AKR1C2: variants seen among roughly 807,000 people sequenced by gnomAD.
AKR1C2 encodes aldo-keto reductase family 1 member C2.
A neutral mutation model predicts 39.8 loss-of-function variants in AKR1C2; 27 were observed. The observed-to-expected ratio is 0.68, with a 90% CI of 0.50 to 0.93. The LOEUF is 0.93. Among genes scored for constraint, AKR1C2 ranks in the 40% least tolerant of loss-of-function variants. AKR1C2 has a pLI of 0.00. For missense variants in AKR1C2, 263 were observed against 365.1 expected, an observed-to-expected ratio of 0.72 and a Z score of 2.28; for synonymous variants, 114 against 137.9, an observed-to-expected ratio of 0.83 and a Z score of 1.22.
chr10:5,015,381 G>A (rs782719733), intron 1 of AKR1C2: 4 of 152,154 alleles, frequency 2.6e-5, no homozygotes. Flanking sequence ...AAACATACTT[G>A]ACAGTTATGT....
At chr10:5,001,185 A>T in intron 2 of AKR1C2, among the ~76,000 whole-genome samples, 1 of 152,194 alleles carries the variant, frequency 6.6e-6, no homozygotes, top group East Asian at 1.9e-4. Context: ...TCAGAATCAT[A>T]ACAAATGTAA....
At chr10:5,013,985 G>A (rs1837577353) in intron 1 of AKR1C2, among the ~76,000 whole-genome samples, 1 of 152,006 alleles carries the variant, frequency 6.6e-6, no homozygotes, top group African/African-American at 2.4e-5. Context: ...GGTTTATTTG[G>A]CTTAGTAAAA....
At position 4,989,692 on chromosome 10, in the gene AKR1C2, C is replaced by T. The variant is rs1219159794; in HGVS notation, c.*304G>A. The stretch of plus-strand genomic sequence containing the variant: ...GTTGTTAACATCTTCCAACCCCGGC[C>T]CTAAACGTATAGGCAAATCACAATT... On this transcript the variant is annotated 3_prime_UTR_variant, in exon 9 of 9. Transcript: ENST00000380753. 2.4e-5 allele frequency: 10 copies of T among 423,982 alleles called. No individual in the cohort carries two copies. Among genetic ancestry groups the T allele is most frequent in the African/African-American group, 1.7e-4 (8 of 47,390 alleles). 26.3% of individuals were successfully genotyped at this position (423,982 alleles called of 1,614,324 possible). A position where few individuals can be genotyped will look rare whatever the true frequency, so the allele number is the denominator to read the frequency against.
chr10:5,017,080 T>G (rs1457917817), intron 1 of AKR1C2, among the ~76,000 whole-genome samples: 2 of 152,206 alleles, frequency 1.3e-5, no homozygotes, highest in Non-Finnish European at 2.9e-5. Context: ...TTTTCTCTCC[T>G]AAACCTCCAG....
chr10:5,002,535 G>A (rs1554773958), intron 1 of AKR1C2, among the ~76,000 whole-genome samples: 1 of 150,904 alleles, frequency 6.6e-6, no homozygotes, highest in Non-Finnish European at 1.5e-5. Flanking sequence ...CAGGGAGTAA[G>A]TGATTAGCAA....
chr10:5,008,288 T>G (rs1381697495), upstream of AKR1C2, among the ~76,000 whole-genome samples: 4 of 144,486 alleles, frequency 2.8e-5, no homozygotes, highest in African/African-American at 1.0e-4. Flanking sequence ...GGTTTCTTTC[T>G]GGGCATCCAG....
chr10:5,003,552 G>C (rs1375821864), intron 1 of AKR1C2, among the ~76,000 whole-genome samples, 200 bp downstream of exon 1: 1 of 151,470 alleles, frequency 6.6e-6, no homozygotes, highest in Non-Finnish European at 1.5e-5. Context: ...GACAAGCTGT[G>C]AAATAAACAT....
upstream of AKR1C2, chr10:5,007,294 T>C (rs1837425862): frequency 1.4e-5 from 2 of 138,214 alleles, 1 homozygote; most frequent in African/African-American, 5.2e-5. Flanking sequence ...AAATTTGCTT[T>C]TACTTTCATT....
intron 3 of AKR1C2, chr10:5,000,278 C>G (rs1837216181): frequency 2.0e-6 from 3 of 1,470,486 alleles, no homozygotes; most frequent in Non-Finnish European, 2.7e-6. Context: ...GACCTTGTGC[C>G]TTCAAGGAGA....
intron 3 of AKR1C2, 150 bp from the exon 4 acceptor site, chr10:4,999,427 A>G: frequency 1.3e-6 from 2 of 1,548,964 alleles, no homozygotes; most frequent in Non-Finnish European, 1.7e-6. Context: ...ACTACATATG[A>G]AGGTATAAGG....
chr10:5,013,408 A>T (rs1387485984), intron 1 of AKR1C2: 1 of 153,264 alleles, frequency 6.5e-6, no homozygotes, highest in Non-Finnish European at 1.5e-5. Context: ...ATTAAAGCAC[A>T]ACATACTGAA....
At chr10:5,012,766 A>G (rs1234362983) in intron 1 of AKR1C2, among the ~76,000 whole-genome samples, 9 of 152,206 alleles carry the variant, frequency 5.9e-5, no homozygotes, top group Non-Finnish European at 1.3e-4. Flanking sequence ...TGCAGAAATA[A>G]GAAATGAATT....
Position 4,988,614 on chromosome 10 carries a change from G to T in AKR1C2, c.*1382C>A, listed in dbSNP as rs1836737974. On this transcript the variant is annotated 3_prime_UTR_variant, in exon 9 of 9. Transcript: ENST00000380753. ...AATTGTGAGCTGCAAAACTTGCTGG[G>T]ATGCCTATCAGCTCTGAGACATGGC... 1 of 152,170 alleles carries T rather than the reference G, an allele frequency of 6.6e-6. No homozygotes were observed. Among genetic ancestry groups the T allele is most frequent in the Admixed American group, 6.5e-5 (1 of 15,280 alleles). The allele number at this position is 152,170 out of a possible 1,614,324, so 9.4% of individuals were successfully genotyped here.
chr10:5,012,295 C>T (rs1169585744), intron 1 of AKR1C2, among the ~76,000 whole-genome samples: 2 of 151,966 alleles, frequency 1.3e-5, no homozygotes, highest in African/African-American at 2.4e-5. Flanking sequence ...GCTCCCTCCC[C>T]CTGCCCTGCC....
At chr10:4,996,549 T>TATATATA (rs1485490387) in intron 5 of AKR1C2, among the ~76,000 whole-genome samples, 1 of 146,122 alleles carries the variant, frequency 6.8e-6, no homozygotes, top group East Asian at 2.0e-4. Context: ...ATATATATAA[T>TATATATA]ATATATATAT....
chr10:5,003,923 C>T, upstream of AKR1C2: 2 of 1,068,604 alleles, frequency 1.9e-6, no homozygotes, highest in East Asian at 2.5e-5. Flanking sequence ...AGCACACTGT[C>T]TGCTGGTTAA....
intron 1 of AKR1C2, among the ~76,000 whole-genome samples, chr10:5,014,368 G>A (rs1837590722): frequency 6.6e-6 from 1 of 152,140 alleles, no homozygotes; most frequent in African/African-American, 2.4e-5. Flanking sequence ...TCACTGTTGT[G>A]TTATCCTTTC....
At chr10:5,004,354 A>G (rs139866999), upstream of AKR1C2, among the ~76,000 whole-genome samples, 854 of 152,348 alleles carry the variant, frequency 5.6e-3, 9 homozygotes, top group African/African-American at 0.02. Context: ...TTTTAAATGC[A>G]TGACTTTTTT....
upstream of AKR1C2, among the ~76,000 whole-genome samples, chr10:5,005,495 A>G (rs1554774315): frequency 6.7e-6 from 1 of 148,292 alleles, no homozygotes; most frequent in Non-Finnish European, 1.5e-5. Flanking sequence ...ATCCTGGCCA[A>G]CATGGTGAAA....
Sources: gnomAD v4.1 joint callset for allele counts (sites outside exome capture counted in the v4.1 genomes callset) on GRCh38, gnomAD v4.1.1 for gene constraint, MANE v1.5 for transcripts, NCBI Gene and HGNC (gene_info 2026-07-23, HGNC 2026-07-21) for gene names.